INO80: variants seen among roughly 807,000 people sequenced by gnomAD.
INO80 encodes chromatin-remodeling ATPase INO80.
Under a neutral mutation model 203.4 loss-of-function variants are expected in INO80, and 20 were observed. The observed-to-expected ratio is 0.10, with a 90% CI of 0.07 to 0.14. The LOEUF is 0.14. Among genes scored for constraint, INO80 ranks in the 10% least tolerant of loss-of-function variants. The pLI is 1.00. For synonymous variants in INO80, 726 were observed against 685.2 expected, an observed-to-expected ratio of 1.06 and a Z score of -0.93; for missense variants, 1,419 against 1,914.4, an observed-to-expected ratio of 0.74 and a Z score of 4.83.
At chr15:41,065,260 A>T (rs1337138200) in intron 14 of INO80, among the ~76,000 whole-genome samples, 1 of 152,160 alleles carries the variant, frequency 6.6e-6, no homozygotes, top group South Asian at 2.1e-4. Flanking sequence ...TAACATGGTG[A>T]AACTCCGTCT....
At chr15:41,003,329 CTTTTCTTTT>C (rs2043990422) in intron 28 of INO80, among the ~76,000 whole-genome samples, 3 of 107,576 alleles carry the variant, frequency 2.8e-5, no homozygotes, top group Admixed American at 2.5e-4. Flanking sequence ...TTTTTCTTTT[CTTTTCTTTT>C]TTTTTTTTTT....
chr15:41,087,337 A>T (rs984126017), intron 6 of INO80, among the ~76,000 whole-genome samples: 2 of 152,202 alleles, frequency 1.3e-5, no homozygotes, highest in Non-Finnish European at 2.9e-5. Flanking sequence ...TACATAATGA[A>T]TTTGAGCATC....
At chr15:41,092,001 T>C (rs772402127) in intron 5 of INO80, 26 bp downstream of exon 5, 2 of 1,572,296 alleles carry the variant, frequency 1.3e-6, no homozygotes, top group Non-Finnish European at 1.7e-6. Context: ...ATATTCAGTT[T>C]GAAGTGTTTC....
At chr15:41,104,206 C>CAAAAAAA (rs35510472) in intron 1 of INO80, among the ~76,000 whole-genome samples, 4 of 41,504 alleles carry the variant, frequency 9.6e-5, no homozygotes, top group Admixed American at 5.4e-4. Flanking sequence ...AACTCCATCT[C>CAAAAAAA]AAAAAAAAAA....
intron 34 of INO80, 81 bp downstream of exon 34, chr15:40,983,678 TAGA>T (rs1893918486): frequency 5.8e-6 from 7 of 1,214,470 alleles, no homozygotes; most frequent in South Asian, 1.3e-5. Flanking sequence ...ACCATTATCC[TAGA>T]AGGAATCAGG....
intron 1 of INO80, among the ~76,000 whole-genome samples, chr15:41,111,785 A>G (rs1004650167): frequency 1.5e-4 from 23 of 152,172 alleles, no homozygotes; most frequent in African/African-American, 5.5e-4. Flanking sequence ...CCTGGGCTAC[A>G]AGAGCAAAAC....
chr15:41,025,475 G>T (rs1301466397), intron 25 of INO80, among the ~76,000 whole-genome samples: 1 of 152,134 alleles, frequency 6.6e-6, no homozygotes, highest in African/African-American at 2.4e-5. Context: ...AGCACTTTGG[G>T]AGGCTTAGGC....
rs1160104620 is a variant in INO80 at position 40,980,133 on chromosome 15, G to C, written c.*90C>G. ...TTTCCACTTCTGACTCAGGATGCAA[G>C]ATGCTGCACGGGGCAAGCCATCCAA... On this transcript the variant is annotated 3_prime_UTR_variant, in exon 36 of 36. Coordinates refer to ENST00000648947, the MANE Select transcript of INO80 (RefSeq NM_017553.3). 3.0e-6 allele frequency: 3 copies of C among 1,009,520 alleles called. No homozygotes were observed. The highest frequency in any genetic ancestry group is 2.5e-5 in the East Asian group (1 of 39,998). 62.5% of individuals were successfully genotyped at this position (1,009,520 alleles called of 1,614,324 possible).
chr15:41,099,266 A>AAAAAAAC (rs1412468777), intron 1 of INO80, among the ~76,000 whole-genome samples: 5 of 122,120 alleles, frequency 4.1e-5, no homozygotes, highest in African/African-American at 6.5e-5. Flanking sequence ...AAAAAAAAAA[A>AAAAAAAC]ACAAACACAC....
rs375333094 is a variant in INO80 at position 41,057,622 on chromosome 15, C to T, written c.1986-916G>A. 6.1e-4 allele frequency among the ~76,000 whole-genome samples: 93 copies of T among 151,738 alleles called. 2 individuals are homozygous for T. The highest frequency in any genetic ancestry group is 3.4e-3 in the Middle Eastern group (1 of 294). Reference sequence around the variant, plus strand: ...GACAAGCCTGGCCACCATGGCAAAACCCCATCTCTACTAAAAATACAAAAA... The same window carrying T: ...GACAAGCCTGGCCACCATGGCAAAATCCCATCTCTACTAAAAATACAAAAA... On this transcript the variant is annotated intron_variant, in intron 16 of 35. Coordinates refer to ENST00000648947, the MANE Select transcript of INO80 (RefSeq NM_017553.3).
intron 7 of INO80, among the ~76,000 whole-genome samples, chr15:41,082,799 G>A (rs190661900): frequency 6.6e-6 from 1 of 152,188 alleles, no homozygotes; most frequent in African/African-American, 2.4e-5. Context: ...TGCGAGGACT[G>A]CTTGAGCCTG....
At chr15:41,080,931 C>T (rs1181748666) in intron 8 of INO80, 89 bp downstream of exon 8, 6 of 814,186 alleles carry the variant, frequency 7.4e-6, no homozygotes, top group East Asian at 2.4e-5. Flanking sequence ...CAACAGGTTA[C>T]GACGGACAAG....
chr15:41,057,953 T>C (rs1480891149), intron 16 of INO80, among the ~76,000 whole-genome samples: 1 of 152,066 alleles, frequency 6.6e-6, no homozygotes, highest in Non-Finnish European at 1.5e-5. Flanking sequence ...AGGTTTAATA[T>C]CACCAAATAA....
At chr15:41,023,713 G>A (rs1268504081) in intron 25 of INO80, among the ~76,000 whole-genome samples, 5 of 132,252 alleles carry the variant, frequency 3.8e-5, no homozygotes, top group Non-Finnish European at 7.7e-5. Context: ...AGGTTACAGT[G>A]AGCTGAGATT....
At chr15:41,076,582 A>G (rs2045406473) in intron 9 of INO80, among the ~76,000 whole-genome samples, 1 of 151,930 alleles carries the variant, frequency 6.6e-6, no homozygotes, top group Non-Finnish European at 1.5e-5. Context: ...TTTCTACAAA[A>G]AATAAAAAAA....
intron 14 of INO80, among the ~76,000 whole-genome samples, 153 bp from the exon 15 acceptor site, chr15:41,060,079 C>T (rs896898426): frequency 1.3e-5 from 2 of 152,060 alleles, no homozygotes; most frequent in African/African-American, 4.8e-5. Flanking sequence ...TTTAACCAAC[C>T]CTGTTGTCCA....
At chr15:41,073,604 T>C in intron 10 of INO80, 109 bp from the exon 11 acceptor site, 1 of 916,132 alleles carries the variant, frequency 1.1e-6, no homozygotes, top group Non-Finnish European at 1.8e-6. Context: ...TACTTATCCC[T>C]GGGTTCACGG....
intron 35 of INO80, among the ~76,000 whole-genome samples, chr15:40,981,080 T>A (rs1336387243): frequency 6.6e-6 from 1 of 152,252 alleles, no homozygotes; most frequent in Non-Finnish European, 1.5e-5. Context: ...TTACATGTGA[T>A]AACACATTGA....
At chr15:40,986,534 A>G (rs2043735821) in intron 31 of INO80, among the ~76,000 whole-genome samples, 1 of 152,072 alleles carries the variant, frequency 6.6e-6, no homozygotes, top group African/African-American at 2.4e-5. Flanking sequence ...CAGGTTGGCC[A>G]GGCTAGTCTT....
Sources: allele counts gnomAD v4.1 joint callset (sites outside exome capture counted in the v4.1 genomes callset), GRCh38; gene constraint gnomAD v4.1.1; transcripts MANE v1.5; gene names NCBI Gene and HGNC (gene_info 2026-07-23, HGNC 2026-07-21).